CAMTA1: variants seen among roughly 807,000 people sequenced by gnomAD.
CAMTA1 encodes calmodulin-binding transcription activator 1.
Under a neutral mutation model 170.9 loss-of-function variants are expected in CAMTA1, and 27 were observed. The observed-to-expected ratio is 0.16, with a 90% CI of 0.12 to 0.22. CAMTA1 has a LOEUF of 0.22. Among genes scored for constraint, CAMTA1 ranks in the 10% least tolerant of loss-of-function variants. CAMTA1 has a pLI of 1.00. For missense variants in CAMTA1, 1,619 were observed against 2,217.2 expected (o/e 0.73, Z 5.42); for synonymous variants, 833 against 891.5 (o/e 0.93, Z 1.17).
rs1293166565 is a variant in CAMTA1 at position 6,934,871 on chromosome 1, TAAA to T, written c.234+109662_234+109664del. Among the ~76,000 whole-genome samples the T allele has an allele frequency of 6.6e-6, 1 of 152,142 alleles. No individual in the cohort carries two copies. The highest frequency in any genetic ancestry group is 1.5e-5 in the Non-Finnish European group (1 of 68,036). Reference sequence around the variant, plus strand: ...GCTTCCCCTGGGGAGAAGGAGCTGTTAAACTGTCAAAATAAAAAGTCCACCAAA... The same window carrying T: ...GCTTCCCCTGGGGAGAAGGAGCTGTTCTGTCAAAATAAAAAGTCCACCAAA... On this transcript the variant is annotated intron_variant, in intron 3 of 22. Transcript: ENST00000303635. This position sits in a 1 kb window ranked among gnomAD's most constrained non-coding sequence, Gnocchi z 4.5.
At chr1:6,869,537 C>T (rs1283682596) in intron 3 of CAMTA1, among the ~76,000 whole-genome samples, 1 of 152,186 alleles carries the variant, frequency 6.6e-6, no homozygotes, top group East Asian at 1.9e-4. Flanking sequence ...TGGATGGCTT[C>T]TAGCCTTCTT....
At chr1:7,370,707 A>G (rs536494173) in intron 5 of CAMTA1, among the ~76,000 whole-genome samples, 1 of 152,218 alleles carries the variant, frequency 6.6e-6, no homozygotes, top group South Asian at 2.1e-4. Context: ...GAATGCATTT[A>G]CTCAGATATA....
At chr1:7,466,425 C>T (rs1430794082) in intron 5 of CAMTA1, among the ~76,000 whole-genome samples, 1 of 152,198 alleles carries the variant, frequency 6.6e-6, no homozygotes, top group African/African-American at 2.4e-5. Flanking sequence ...CAGCCAGAAT[C>T]GCATAGTCCA....
At chr1:6,878,274 G>T (rs950885003) in intron 3 of CAMTA1, among the ~76,000 whole-genome samples, 2 of 152,216 alleles carry the variant, frequency 1.3e-5, no homozygotes, top group African/African-American at 4.8e-5. Flanking sequence ...AATCATTGCA[G>T]TTTGAAATGA....
At chr1:7,309,500 C>G (rs1247925976) in intron 5 of CAMTA1, among the ~76,000 whole-genome samples, 2 of 151,008 alleles carry the variant, frequency 1.3e-5, no homozygotes, top group South Asian at 4.2e-4. Context: ...GGGGTTTCAC[C>G]GTTTTAGCCG....
intron 6 of CAMTA1, among the ~76,000 whole-genome samples, chr1:7,626,099 C>A (rs1413148612): frequency 6.6e-6 from 1 of 152,222 alleles, no homozygotes. Flanking sequence ...TACACGTTAT[C>A]TTGTCCTACC....
intron 1 of CAMTA1, 105 bp from the exon 2 acceptor site, chr1:6,820,076 C>T: frequency 1.4e-6 from 1 of 719,234 alleles, no homozygotes; most frequent in Non-Finnish European, 2.5e-6. Flanking sequence ...CTGATGTTTC[C>T]TCATGATTAG....
chr1:7,245,706 G>A (rs1295671941), intron 4 of CAMTA1, among the ~76,000 whole-genome samples: 2 of 152,052 alleles, frequency 1.3e-5, no homozygotes, highest in East Asian at 3.9e-4. Context: ...GCCTCTGCAC[G>A]GCTGCAGTGG....
At position 7,103,665 on chromosome 1, in the gene CAMTA1, G is replaced by A. The variant is rs181529843; in HGVS notation, c.302+12294G>A. On this transcript the variant is annotated intron_variant, in intron 4 of 22. Coordinates refer to ENST00000303635, the MANE Select transcript of CAMTA1 (RefSeq NM_015215.4). ...CACACACAACACAACACATGTACAC[G>A]CAACTACACACATGCACACAACAGA... is the stretch of plus-strand genomic sequence containing the variant. Among the ~76,000 whole-genome samples the A allele has an allele frequency of 5.2e-4, 67 of 128,106 alleles. No individual in the cohort carries two copies. The East Asian group carries it at 7.3e-3, about 14-fold the overall frequency. 84.0% of individuals were successfully genotyped at this position (128,106 alleles called of 152,430 possible).
chr1:6,828,242 T>G (rs918466785), intron 3 of CAMTA1, among the ~76,000 whole-genome samples: 2 of 151,930 alleles, frequency 1.3e-5, no homozygotes, highest in African/African-American at 4.8e-5. Flanking sequence ...TGAAAAAACC[T>G]TTTATACTGT....
intron 3 of CAMTA1, among the ~76,000 whole-genome samples, chr1:7,060,103 T>C (rs576137293): frequency 3.9e-5 from 6 of 152,306 alleles, no homozygotes; most frequent in African/African-American, 1.4e-4. Flanking sequence ...ATTTGCATGA[T>C]GGGGACCTTA....
rs1475379639 is a variant in CAMTA1, at chr1:7,010,479, T to C, written c.235-80825T>C. 6.6e-6 allele frequency among the ~76,000 whole-genome samples: 1 copy of C among 152,214 alleles called. No homozygotes were observed. The highest frequency in any genetic ancestry group is 1.5e-5 in the Non-Finnish European group (1 of 68,040). On this transcript the variant is annotated intron_variant, in intron 3 of 22. Transcript: ENST00000303635. The surrounding 1 kb of genome is among the most constrained non-coding windows in gnomAD (Gnocchi z 4.4). ...AGACGCTTTCTGAACACAGTCTGCG[T>C]CCTTCCTTATTTTTTGTTATCTTGG...
Position 7,270,284 on chromosome 1 carries a change from TA to T in CAMTA1, c.438+20659del, listed in dbSNP as rs1372787850. 2.4e-5 allele frequency among the ~76,000 whole-genome samples: 3 copies of T among 122,912 alleles called. No homozygotes were observed. The East Asian group carries it at 8.0e-4, about 33-fold the overall frequency. The allele number at this position is 122,912 out of a possible 152,430, so 80.6% of individuals were successfully genotyped here. A position where few individuals can be genotyped will look rare whatever the true frequency, so the allele number is the denominator to read the frequency against. ...ACACACACACACACACATATATATA[TA>T]TATATATTTTTTTTTTTTTTTCTTG... On this transcript the variant is annotated intron_variant, in intron 5 of 22. Coordinates refer to ENST00000303635, the MANE Select transcript of CAMTA1 (RefSeq NM_015215.4).
intron 3 of CAMTA1, among the ~76,000 whole-genome samples, chr1:6,907,048 A>G (rs1234014746): frequency 1.3e-5 from 2 of 152,288 alleles, no homozygotes; most frequent in East Asian, 1.9e-4. Context: ...ATTGAGATCC[A>G]TCTTCGGGAT....
Position 7,482,199 on chromosome 1 carries a change from C to T in CAMTA1, c.510+14298C>T, listed in dbSNP as rs1369632502. On this transcript the variant is annotated intron_variant, in intron 6 of 22. Transcript: ENST00000303635. The surrounding 1 kb of genome is among the most constrained non-coding windows in gnomAD (Gnocchi z 4.2). ...TCTATCCCCCCAAGCCCAGCCCCAT[C>T]CTTCAAGCATAAGCTCCACAGGGTC... Among the ~76,000 whole-genome samples, 1 of 152,218 alleles carries T rather than the reference C, an allele frequency of 6.6e-6. No individual in the cohort carries two copies. The highest frequency in any genetic ancestry group is 1.5e-5 in the Non-Finnish European group (1 of 68,040).
intron 3 of CAMTA1, among the ~76,000 whole-genome samples, chr1:6,997,660 CTTTTTTT>C (rs111887834): frequency 7.8e-6 from 1 of 127,636 alleles, no homozygotes; most frequent in African/African-American, 3.0e-5. Flanking sequence ...TCTTTTCTTT[CTTTTTTT>C]TTTTTTTTTT....
intron 4 of CAMTA1, among the ~76,000 whole-genome samples, chr1:7,222,042 G>C (rs1443876165): frequency 6.6e-6 from 1 of 152,182 alleles, no homozygotes. Context: ...AGGGGCGACA[G>C]GACTGTGACT....
At chr1:7,476,740 T>G (rs1002829335) in intron 6 of CAMTA1, among the ~76,000 whole-genome samples, 1 of 152,178 alleles carries the variant, frequency 6.6e-6, no homozygotes, top group African/African-American at 2.4e-5. Context: ...GACCAGTGCA[T>G]GCAGCTTCAA....
In CAMTA1 at chr1:7,113,811, C is replaced by T. The variant is rs945697953; in HGVS notation, c.302+22440C>T. Among the ~76,000 whole-genome samples the T allele has an allele frequency of 6.6e-6, 1 of 152,174 alleles. No homozygotes were observed. Among genetic ancestry groups the T allele is most frequent in the East Asian group, 1.9e-4 (1 of 5,190 alleles). Reference sequence around the variant, plus strand: ...GTGCTTCTTGCATCCAAGTGCCTGGCAGAAATGAAGTCACTTTGGTGAGTG... The same window carrying T: ...GTGCTTCTTGCATCCAAGTGCCTGGTAGAAATGAAGTCACTTTGGTGAGTG... On this transcript the variant is annotated intron_variant, in intron 4 of 22. Transcript: ENST00000303635. This position sits in a 1 kb window ranked among gnomAD's most constrained non-coding sequence, Gnocchi z 4.5.
Sources: allele counts gnomAD v4.1 joint callset (sites outside exome capture counted in the v4.1 genomes callset), GRCh38; gene constraint gnomAD v4.1.1; non-coding constraint Gnocchi (gnomAD v3.1); transcripts MANE v1.5; gene names NCBI Gene and HGNC (gene_info 2026-07-23, HGNC 2026-07-21).